NRXN2: variants seen among roughly 807,000 people sequenced by gnomAD.
The protein encoded by NRXN2 is neurexin 2.
NRXN2 carries 29 observed loss-of-function variants against 128.8 expected under a neutral mutation model. The observed-to-expected ratio is 0.23, with a 90% CI of 0.17 to 0.31. The LOEUF is 0.31. NRXN2 is among the 10% of genes least tolerant of loss of function. NRXN2 has a pLI of 1.00. For synonymous variants in NRXN2, 1,098 were observed against 1,075.2 expected, an observed-to-expected ratio of 1.02 and a Z score of -0.41; for missense variants, 1,881 against 2,452.6, an observed-to-expected ratio of 0.77 and a Z score of 4.92.
intron 1 of NRXN2, among the ~76,000 whole-genome samples, chr11:64,716,658 C>T (rs560182398): frequency 6.5e-4 from 99 of 152,230 alleles, no homozygotes; most frequent in African/African-American, 2.2e-3. Context: ...TCTGGGCCTG[C>T]GGCCCCTCAA....
At chr11:64,707,104 C>T (rs943357065) in intron 2 of NRXN2, among the ~76,000 whole-genome samples, 9 of 151,952 alleles carry the variant, frequency 5.9e-5, no homozygotes, top group African/African-American at 1.5e-4. Context: ...GGGTCAGGTG[C>T]GGTGGCTCAC....
intron 22 of NRXN2, among the ~76,000 whole-genome samples, chr11:64,608,697 TCTCC>T (rs1289644177): frequency 6.6e-6 from 1 of 152,158 alleles, no homozygotes; most frequent in Non-Finnish European, 1.5e-5. Flanking sequence ...CTGTTCGGTA[TCTCC>T]CTCCCTCACT....
chr11:64,677,116 TGAAAA>T (rs979866652), intron 6 of NRXN2, 79 bp from the exon 7 acceptor site: 2 of 994,600 alleles, frequency 2.0e-6, no homozygotes, highest in African/African-American at 1.6e-5. Flanking sequence ...AAGAACAGAA[TGAAAA>T]GAAAAGAAAA....
rs1340179234 is a variant in NRXN2 at position 64,607,602 on chromosome 11, G to A, written c.4733C>T (p.Pro1578Leu). The change falls in exon 23 of 23, where the codon CCG (proline) becomes CTG (leucine). Residue 1578 changes from proline to leucine, a missense_variant. Pro to Leu is a moderately conservative substitution (Grantham distance 98). This residue lies in a region of NRXN2 where 310 missense variants were observed against 318.2 expected (regional missense o/e 0.97). Coordinates refer to ENST00000265459, the MANE Select transcript of NRXN2 (RefSeq NM_015080.4). ...RDPLQPLLEN[P>L]PLGPGAPTSF... ...CGTGGGGGCCCCGGGCCCCAAGGGC[G>A]GGTTCTCCAGCAAGGGCTGAAGCGG... 6 of 1,536,942 alleles carry A rather than the reference G, an allele frequency of 3.9e-6. No homozygotes were observed. Among genetic ancestry groups the A allele is most frequent in the South Asian group, 3.6e-5 (3 of 84,436 alleles).
Position 64,698,859 on chromosome 11 carries a change from A to T in NRXN2, c.731-1067T>A, listed in dbSNP as rs142558692. On this transcript the variant is annotated intron_variant, in intron 2 of 22. Coordinates refer to ENST00000265459, the MANE Select transcript of NRXN2 (RefSeq NM_015080.4). ...AGAGGATGGAGGTGCCCCCAGCTCCAAACATTTGCCATGTGCCCACCTCCT... is the reference window on the plus strand; with the variant it reads ...AGAGGATGGAGGTGCCCCCAGCTCCTAACATTTGCCATGTGCCCACCTCCT... 8.9e-4 allele frequency among the ~76,000 whole-genome samples: 135 copies of T among 152,342 alleles called. No homozygotes were observed. The East Asian group carries it at 0.013, about 14-fold the overall frequency.
rs201527514 is a variant in NRXN2 at position 64,685,685 on chromosome 11, G to A, written c.1113C>T (p.Asn371=). The A allele has an allele frequency of 2.2e-5, 35 of 1,614,190 alleles. No individual in the cohort carries two copies. The highest frequency in any genetic ancestry group is 1.6e-4 in the Middle Eastern group (1 of 6,062). The part of the protein sequence containing the change: ...VEPVNGKFND[N]AWHDVRVTRN... Reference sequence around the variant, plus strand: ...GGGTGACCCGGACGTCGTGCCAGGCGTTGTCGTTGAACTTGCCATTGACGG... The same window carrying A: ...GGGTGACCCGGACGTCGTGCCAGGCATTGTCGTTGAACTTGCCATTGACGG... The change falls in exon 6 of 23, where the codon AAC becomes AAT. Residue 371 remains asparagine (N), a synonymous_variant. Coordinates refer to ENST00000265459, the MANE Select transcript of NRXN2 (RefSeq NM_015080.4).
At chr11:64,661,729 T>G (rs2049057805) in intron 9 of NRXN2, among the ~76,000 whole-genome samples, 1 of 152,182 alleles carries the variant, frequency 6.6e-6, no homozygotes, top group Non-Finnish European at 1.5e-5. Context: ...AGACGAGGCT[T>G]GCAGAGACTG....
At chr11:64,712,796 A>C in intron 2 of NRXN2, 174 bp downstream of exon 2, 1 of 621,906 alleles carries the variant, frequency 1.6e-6, no homozygotes, top group Non-Finnish European at 2.9e-6. Context: ...CGCCAACCCC[A>C]CGCGCCCTCG....
chr11:64,675,153 A>G (rs1057462664), intron 7 of NRXN2: 3 of 152,270 alleles, frequency 2.0e-5, no homozygotes, highest in African/African-American at 7.2e-5. Context: ...ACAGGTACTC[A>G]ATGGCTTGGC....
intron 11 of NRXN2, among the ~76,000 whole-genome samples, chr11:64,654,738 C>A (rs2048002662): frequency 6.6e-6 from 1 of 152,182 alleles, no homozygotes; most frequent in South Asian, 2.1e-4. Flanking sequence ...GATGTCTGCA[C>A]CACTCCATCA....
chr11:64,658,449 AC>A (rs1591873294), intron 11 of NRXN2, among the ~76,000 whole-genome samples: 1 of 152,184 alleles, frequency 6.6e-6, no homozygotes, highest in African/African-American at 2.4e-5. Context: ...GCTGCTGCAC[AC>A]CACCCGCTCT....
At chr11:64,642,070 T>G (rs2045759412) in intron 17 of NRXN2, among the ~76,000 whole-genome samples, 1 of 147,250 alleles carries the variant, frequency 6.8e-6, no homozygotes, top group Non-Finnish European at 1.5e-5. Flanking sequence ...GGGAGAGAGG[T>G]GAAGGGGGAG....
intron 14 of NRXN2, 73 bp from the exon 15 acceptor site, chr11:64,650,711 A>G (rs1465098449): frequency 6.9e-7 from 1 of 1,448,170 alleles, no homozygotes; most frequent in Non-Finnish European, 9.7e-7. Context: ...AGGAGGAGCT[A>G]TGGCTGGCAG....
intron 2 of NRXN2, among the ~76,000 whole-genome samples, chr11:64,698,065 C>T (rs1437134727): frequency 6.6e-6 from 1 of 152,128 alleles, no homozygotes; most frequent in Non-Finnish European, 1.5e-5. Context: ...TTCAGGAAAC[C>T]GAGGCCCAGG....
intron 19 of NRXN2, among the ~76,000 whole-genome samples, chr11:64,629,630 G>A (rs1022815954): frequency 2.0e-5 from 3 of 151,978 alleles, no homozygotes; most frequent in Non-Finnish European, 4.4e-5. Context: ...GTCCTTGGCC[G>A]CCACAGCTGT....
chr11:64,617,276 G>A (rs575894488), intron 22 of NRXN2, among the ~76,000 whole-genome samples: 2 of 152,178 alleles, frequency 1.3e-5, no homozygotes, highest in East Asian at 1.9e-4. Context: ...TCATACATGT[G>A]CATACAGACC....
chr11:64,684,907 C>T (rs1312833592), intron 6 of NRXN2, among the ~76,000 whole-genome samples: 2 of 152,172 alleles, frequency 1.3e-5, no homozygotes, highest in African/African-American at 2.4e-5. Flanking sequence ...TGAGCACCTG[C>T]GTGGGCTTGC....
intron 3 of NRXN2, among the ~76,000 whole-genome samples, chr11:64,696,268 C>T (rs1451188771): frequency 6.6e-6 from 1 of 151,946 alleles, no homozygotes; most frequent in Admixed American, 6.6e-5. Context: ...GTGACACACA[C>T]GCAGAGGTAA....
chr11:64,648,178 C>T lies in NRXN2; in HGVS notation c.3403+41G>A. ...CAGCCCCTATGGCTGGGAATGGACCCTGGTCTCCCCAAACTGCCCCCAGCC... is the reference window on the plus strand; with the variant it reads ...CAGCCCCTATGGCTGGGAATGGACCTTGGTCTCCCCAAACTGCCCCCAGCC... On this transcript the variant is annotated intron_variant, in intron 17 of 22. Transcript: ENST00000265459. The surrounding 1 kb of genome is among the most constrained non-coding windows in gnomAD (Gnocchi z 4.1). The T allele has an allele frequency of 6.2e-7, 1 of 1,613,814 alleles. No individual in the cohort carries two copies. Among genetic ancestry groups the T allele is most frequent in the Non-Finnish European group, 8.5e-7 (1 of 1,179,954 alleles).
Sources: allele counts gnomAD v4.1 joint callset (sites outside exome capture counted in the v4.1 genomes callset), GRCh38; gene constraint gnomAD v4.1.1; regional missense constraint gnomAD v4.1.1; non-coding constraint Gnocchi (gnomAD v3.1); transcripts MANE v1.5; gene names NCBI Gene and HGNC (gene_info 2026-07-23, HGNC 2026-07-21).